Variants in DECR1 observed in about 807,000 individuals in gnomAD.
The protein encoded by DECR1 is 2,4-dienoyl-CoA reductase [(3E)-enoyl-CoA-producing], mitochondrial.
Under a neutral mutation model 38.8 loss-of-function variants are expected in DECR1, and 44 were observed. The ratio of observed to expected loss-of-function variants is 1.13; its 90% confidence interval spans 0.89 to 1.46. The LOEUF (loss-of-function observed/expected upper bound fraction) is 1.46, where lower values mean the gene tolerates loss of function less well. Among genes scored for constraint, DECR1 ranks in the 40% most tolerant of loss-of-function variants. The probability of loss-of-function intolerance (pLI) is 0.00; values close to 1 mark genes in which losing one functional copy is unlikely to be tolerated. For missense variants in DECR1, 428 were observed against 405.5 expected, an observed-to-expected ratio of 1.06 and a Z score of -0.48; for synonymous variants, 148 against 135.2, an observed-to-expected ratio of 1.09 and a Z score of -0.66.
At chr8:90,015,699 C>T (rs967153108) in intron 1 of DECR1, 2 of 455,910 alleles carry the variant, frequency 4.4e-6, no homozygotes, top group Admixed American at 2.3e-5. Flanking sequence ...GAGTGTTAAT[C>T]TTGCCACCAT....
At chr8:90,009,565 A>G (rs2130011209) in intron 1 of DECR1, among the ~76,000 whole-genome samples, 1 of 152,156 alleles carries the variant, frequency 6.6e-6, no homozygotes, top group Non-Finnish European at 1.5e-5. Context: ...ATATATGCTC[A>G]ATAAACACTT....
chr8:90,047,645 G>T (rs951300834), intron 8 of DECR1, among the ~76,000 whole-genome samples: 4 of 152,126 alleles, frequency 2.6e-5, no homozygotes, highest in African/African-American at 9.7e-5. Context: ...AGTTAACAAG[G>T]ATATCCAGGA....
chr8:90,030,597 C>T (rs1813471847), intron 5 of DECR1: 1 of 152,166 alleles, frequency 6.6e-6, no homozygotes, highest in Non-Finnish European at 1.5e-5. Flanking sequence ...GAAAAGATGA[C>T]CAGTCATTGA....
chr8:90,046,557 C>T (rs1406988810), intron 8 of DECR1, among the ~76,000 whole-genome samples: 2 of 152,242 alleles, frequency 1.3e-5, no homozygotes, highest in Admixed American at 6.5e-5. Flanking sequence ...ACCAAATCTA[C>T]GTCTGATTGT....
chr8:90,025,527 T>G (rs1182140224), intron 5 of DECR1, among the ~76,000 whole-genome samples: 1 of 152,244 alleles, frequency 6.6e-6, no homozygotes, highest in African/African-American at 2.4e-5. Context: ...TCTGTTTGTC[T>G]GTTATTGCTG....
chr8:90,007,728 A>G (rs1011682), intron 1 of DECR1, among the ~76,000 whole-genome samples: 48,245 of 152,166 alleles, frequency 0.32, 7,797 homozygotes, highest in East Asian at 0.44. Context: ...AGAGGGGGGA[A>G]TTTTAAAGTT....
At chr8:90,038,315 C>T (rs2130132791) in intron 6 of DECR1, among the ~76,000 whole-genome samples, 1 of 152,174 alleles carries the variant, frequency 6.6e-6, no homozygotes, top group Admixed American at 6.5e-5. Flanking sequence ...GAGATGTTTT[C>T]TCTGTAATCA....
intron 1 of DECR1, among the ~76,000 whole-genome samples, chr8:90,002,852 A>G (rs1812650133): frequency 1.3e-5 from 2 of 152,152 alleles, no homozygotes; most frequent in Non-Finnish European, 2.9e-5. Flanking sequence ...GATACTTTTC[A>G]GAGACATTTC....
At chr8:90,034,350 G>A (rs76951283) in intron 5 of DECR1, among the ~76,000 whole-genome samples, 1 of 151,992 alleles carries the variant, frequency 6.6e-6, no homozygotes, top group Non-Finnish European at 1.5e-5. Flanking sequence ...GTCTTATCCC[G>A]TGTTATGAAT....
chr8:90,034,666 G>T (rs550108311), intron 5 of DECR1, among the ~76,000 whole-genome samples: 1 of 152,144 alleles, frequency 6.6e-6, no homozygotes, highest in South Asian at 2.1e-4. Context: ...TGGCCAGGCT[G>T]GTCTCGAACT....
At position 90,020,943 on chromosome 8, in the gene DECR1, C is replaced by A; in HGVS notation, c.452C>A (p.Ser151Tyr). ...AACAATGCAGCAGGGAATTTTATTT[C>A]TCCTACTGAAAGACTTTCTCCTAAT... The part of the protein sequence containing the change: ...VINNAAGNFI[S>Y]PTERLSPNAW... The change falls in exon 5 of 10, where the codon TCT becomes TAT. Residue 151 changes from serine to tyrosine, a missense_variant. Transcript: ENST00000220764. 6.3e-7 allele frequency: 1 copy of A among 1,584,386 alleles called. No individual in the cohort carries two copies.
intron 5 of DECR1, among the ~76,000 whole-genome samples, chr8:90,032,376 C>T (rs1383606005): frequency 6.6e-6 from 1 of 152,164 alleles, no homozygotes; most frequent in Non-Finnish European, 1.5e-5. Flanking sequence ...CCACATCTCT[C>T]TTGCCTGCTC....
Position 90,017,275 on chromosome 8 carries a change from GA to G in DECR1, c.223del (p.Met75Ter), listed in dbSNP as rs1813032037. 1.2e-6 allele frequency: 2 copies of G among 1,614,018 alleles called. No homozygotes were observed. The highest frequency in any genetic ancestry group is 2.7e-5 in the African/African-American group (2 of 74,898). ...GGGGGAGGTACTGGCCTTGGTAAAG[GA>G]ATGACAACTCTTCTGTCCAGCCTAG... is the stretch of plus-strand genomic sequence containing the variant. ...ITGGGTGLGKGMTTLLSSLGA... is the reference protein window; with the variant it reads ...ITGGGTGLGKXMTTLLSSLGA... On this transcript the variant is annotated frameshift_variant, in exon 2 of 10. Transcript: ENST00000220764. LOFTEE classifies it high-confidence loss of function.
At position 90,011,145 on chromosome 8, in the gene DECR1, A is replaced by G. The variant is rs1022222015; in HGVS notation, c.70-5979A>G. Among the ~76,000 whole-genome samples the G allele has an allele frequency of 3.3e-5, 5 of 152,210 alleles. No individual in the cohort carries two copies. The South Asian group carries it at 8.3e-4, about 25-fold the overall frequency. ...AACCACATGAAGGGGAGCCTGTTACATGTATTTCTCTACCTTGAGTTTTAC... is the reference window on the plus strand; with the variant it reads ...AACCACATGAAGGGGAGCCTGTTACGTGTATTTCTCTACCTTGAGTTTTAC... On this transcript the variant is annotated intron_variant, in intron 1 of 9. Transcript: ENST00000220764.
At chr8:90,034,792 A>T (rs1813579841) in intron 5 of DECR1, among the ~76,000 whole-genome samples, 2 of 152,152 alleles carry the variant, frequency 1.3e-5, no homozygotes, top group South Asian at 4.1e-4. Flanking sequence ...TGTCCTAGAC[A>T]CTATTGACCA....
intron 6 of DECR1, 142 bp from the exon 7 acceptor site, chr8:90,042,586 T>C (rs1813787947): frequency 1.5e-6 from 1 of 688,228 alleles, no homozygotes; most frequent in Admixed American, 2.3e-5. Flanking sequence ...ACATTATCTG[T>C]AATATAGGGA....
intron 6 of DECR1, among the ~76,000 whole-genome samples, chr8:90,039,090 C>G (rs1268815461): frequency 1.3e-5 from 2 of 152,092 alleles, no homozygotes; most frequent in African/African-American, 4.8e-5. Context: ...AGCTTGAGTT[C>G]CCATCAACCT....
At chr8:90,024,627 T>C (rs556893339) in intron 5 of DECR1, among the ~76,000 whole-genome samples, 43 of 152,238 alleles carry the variant, frequency 2.8e-4, no homozygotes, top group Non-Finnish European at 5.6e-4. Flanking sequence ...TAGTCCTTTG[T>C]CAGATGGGTA....
chr8:90,046,614 C>A (rs1813911627), intron 8 of DECR1, among the ~76,000 whole-genome samples: 1 of 152,276 alleles, frequency 6.6e-6, no homozygotes, highest in African/African-American at 2.4e-5. Context: ...AAACATGCTG[C>A]AGGATATTAT....
Sources: allele counts gnomAD v4.1 joint callset (sites outside exome capture counted in the v4.1 genomes callset), GRCh38; gene constraint gnomAD v4.1.1; transcripts MANE v1.5; gene names NCBI Gene and HGNC (gene_info 2026-07-23, HGNC 2026-07-21).